The following PCDHGB2 variants were observed in gnomAD, a reference collection of about 807,000 sequenced individuals.
The protein encoded by PCDHGB2 is protocadherin gamma subfamily B, 2.
Under a neutral mutation model 59.3 loss-of-function variants are expected in PCDHGB2, and 55 were observed. The ratio of observed to expected loss-of-function variants is 0.93; its 90% confidence interval spans 0.75 to 1.16. PCDHGB2 has a LOEUF of 1.16. Ranked by LOEUF, PCDHGB2 falls within the 50% of genes most tolerant of loss-of-function variation. PCDHGB2 has a pLI of 0.00. For missense variants in PCDHGB2, 1,228 were observed against 1,198.5 expected (o/e 1.02, Z -0.36); for synonymous variants, 516 against 512.0 (o/e 1.01, Z -0.11).
chr5:141,413,809 C>G, intron 1 of PCDHGB2: 1 of 1,613,188 alleles, frequency 6.2e-7, no homozygotes. Flanking sequence ...AGAGGCCATT[C>G]ACCACCTGGT....
intron 1 of PCDHGB2, chr5:141,400,255 C>A (rs2093990770): frequency 4.3e-6 from 7 of 1,613,928 alleles, no homozygotes; most frequent in Non-Finnish European, 1.7e-6. Context: ...CGTTGCCTTG[C>A]GCCTGCGACG....
chr5:141,380,816 A>T (rs546532723), intron 1 of PCDHGB2, among the ~76,000 whole-genome samples: 1 of 152,256 alleles, frequency 6.6e-6, no homozygotes, highest in Non-Finnish European at 1.5e-5. Flanking sequence ...AGATGAAACT[A>T]TGAATTTTGA....
rs761106133 is a variant in PCDHGB2 at position 141,432,117 on chromosome 5, C to A, written c.2422-62690C>A. 1 of 1,614,180 alleles carries A rather than the reference C, an allele frequency of 6.2e-7. No individual in the cohort carries two copies. Among genetic ancestry groups the A allele is most frequent in the Admixed American group, 1.7e-5 (1 of 60,024 alleles). ...ACCAACGACAACCCGCCGGTCTTCC[C>A]TCAGGCCTCCTATTCCGCTTATATC... On this transcript the variant is annotated intron_variant, in intron 1 of 3. Transcript: ENST00000522605. The surrounding 1 kb of genome is among the most constrained non-coding windows in gnomAD (Gnocchi z 6.0).
chr5:141,394,826 C>G, intron 1 of PCDHGB2: 1 of 1,613,882 alleles, frequency 6.2e-7, no homozygotes, highest in Non-Finnish European at 8.5e-7. Context: ...TCCCCGAAGT[C>G]CTGACCGAGT....
In PCDHGB2 at chr5:141,490,175, A is replaced by C; in HGVS notation, c.2422-4632A>C. The C allele has an allele frequency of 1.9e-6, 3 of 1,614,194 alleles. No homozygotes were observed. Among genetic ancestry groups the C allele is most frequent in the East Asian group, 4.5e-5 (2 of 44,884 alleles). On this transcript the variant is annotated intron_variant, in intron 1 of 3. Coordinates refer to ENST00000522605, the MANE Select transcript of PCDHGB2 (RefSeq NM_018923.3). This position sits in a 1 kb window ranked among gnomAD's most constrained non-coding sequence, Gnocchi z 5.4. ...GTGTTGGGTCCCATAGACTTTGAGG[A>C]GTCACGTTTCTATGAAATTCATGCA...
intron 1 of PCDHGB2, chr5:141,384,222 G>A: frequency 1.2e-6 from 2 of 1,613,868 alleles, no homozygotes; most frequent in South Asian, 2.2e-5. Context: ...TATTCATGCA[G>A]GTGGCAGACA....
chr5:141,504,474 G>A (rs903417314), intron 2 of PCDHGB2, among the ~76,000 whole-genome samples: 1 of 152,066 alleles, frequency 6.6e-6, no homozygotes, highest in African/African-American at 2.4e-5. Context: ...TGGGATGGGA[G>A]TACAGTGGAG....
chr5:141,474,371 G>A (rs909237592), intron 1 of PCDHGB2, among the ~76,000 whole-genome samples: 1 of 152,180 alleles, frequency 6.6e-6, no homozygotes, highest in African/African-American at 2.4e-5. Flanking sequence ...TAGGTCTAGA[G>A]GAGGGCATTT....
In PCDHGB2 at chr5:141,432,700, G is replaced by C. The variant is rs1320099367; in HGVS notation, c.2422-62107G>C. 4 of 1,613,980 alleles carry C rather than the reference G, an allele frequency of 2.5e-6. No individual in the cohort carries two copies. In the Admixed American group the frequency reaches 6.7e-5, roughly 27 times the overall value. ...AGCAGAGCCTCGTAGTGGCCGTCCA[G>C]GACCACGGCCAGCCCCCTCTCTCCG... On this transcript the variant is annotated intron_variant, in intron 1 of 3. Coordinates refer to ENST00000522605, the MANE Select transcript of PCDHGB2 (RefSeq NM_018923.3). The surrounding 1 kb of genome is among the most constrained non-coding windows in gnomAD (Gnocchi z 6.0).
At position 141,389,190 on chromosome 5, in the gene PCDHGB2, A is replaced by G; in HGVS notation, c.2421+26634A>G. The G allele has an allele frequency of 6.2e-7, 1 of 1,614,034 alleles. No individual in the cohort carries two copies. The highest frequency in any genetic ancestry group is 8.5e-7 in the Non-Finnish European group (1 of 1,179,896). ...GCCTCCCCTCTCCTCCAGTTCCAGC[A>G]TCACCCTGCACATTGGTGATGTAAA... On this transcript the variant is annotated intron_variant, in intron 1 of 3. Coordinates refer to ENST00000522605, the MANE Select transcript of PCDHGB2 (RefSeq NM_018923.3).
chr5:141,377,221 G>GT (rs1773788570), intron 1 of PCDHGB2: 1 of 152,014 alleles, frequency 6.6e-6, no homozygotes, highest in South Asian at 2.1e-4. Context: ...CGTTTCTTAG[G>GT]TTTTTTCCTA....
chr5:141,458,413 G>T lies in PCDHGB2; in HGVS notation c.2422-36394G>T, dbSNP rs138479316. On this transcript the variant is annotated intron_variant, in intron 1 of 3. Coordinates refer to ENST00000522605, the MANE Select transcript of PCDHGB2 (RefSeq NM_018923.3). ...TCCCCCTTGCAGAGACGGAGCGGGG[G>T]TTCCAAAGCTGAAAGAGGAGGTCCC... Among the ~76,000 whole-genome samples the T allele has an allele frequency of 9.0e-4, 137 of 152,196 alleles. 5 individuals carry two copies. The East Asian group carries it at 0.026, about 28-fold the overall frequency.
intron 1 of PCDHGB2, chr5:141,383,089 GT>G: frequency 1.2e-6 from 2 of 1,613,932 alleles, no homozygotes; most frequent in Non-Finnish European, 1.7e-6. Context: ...GGAGCGCGGA[GT>G]CCGCATCATC....
intron 1 of PCDHGB2, chr5:141,385,148 T>G (rs1052139407): frequency 6.2e-7 from 1 of 1,614,218 alleles, no homozygotes; most frequent in Admixed American, 1.7e-5. Context: ...CAGGCTTTCC[T>G]GCAGACCTAT....
rs371995922 is a variant in PCDHGB2 at position 141,395,132 on chromosome 5, C to T, written c.2421+32576C>T. ...AGAGTCACCTGATCTTTCCCCAGCC[C>T]AACTACGCAGACATGCTCATCAGTC... On this transcript the variant is annotated intron_variant, in intron 1 of 3. Transcript: ENST00000522605. 8.7e-6 allele frequency: 14 copies of T among 1,614,068 alleles called. No homozygotes were observed. The African/African-American group carries it at 1.6e-4, about 18-fold the overall frequency.
At chr5:141,429,929 T>A (rs2097253197) in intron 1 of PCDHGB2, among the ~76,000 whole-genome samples, 1 of 152,240 alleles carries the variant, frequency 6.6e-6, no homozygotes, top group African/African-American at 2.4e-5. Flanking sequence ...AATAGAATTC[T>A]GGAGTACTTC....
intron 1 of PCDHGB2, chr5:141,385,185 C>T: frequency 1.2e-6 from 2 of 1,614,214 alleles, no homozygotes; most frequent in African/African-American, 1.3e-5. Context: ...TCACCGCGGA[C>T]TCTCGGAAGA....
intron 1 of PCDHGB2, chr5:141,371,188 T>A (rs1206989931): frequency 6.2e-7 from 1 of 1,614,030 alleles, no homozygotes; most frequent in South Asian, 1.1e-5. Flanking sequence ...TTAAAAGTGA[T>A]GGCCATTGAC....
At chr5:141,478,505 T>C (rs1298083274) in intron 1 of PCDHGB2, 3 of 1,612,032 alleles carry the variant, frequency 1.9e-6, no homozygotes, top group Non-Finnish European at 2.5e-6. Context: ...TCCGGTGTTC[T>C]ATAGGCAGGT....
Sources: gnomAD v4.1 joint callset for allele counts (sites outside exome capture counted in the v4.1 genomes callset) on GRCh38, gnomAD v4.1.1 for gene constraint, Gnocchi (gnomAD v3.1) non-coding constraint, MANE v1.5 for transcripts, NCBI Gene and HGNC (gene_info 2026-07-23, HGNC 2026-07-21) for gene names.